Variants in ZNF804B observed in about 807,000 individuals in gnomAD.
ZNF804B encodes the protein zinc finger protein 804B.
ZNF804B carries 80 observed loss-of-function variants against 101.4 expected under a neutral mutation model. The observed-to-expected ratio is 0.79, with a 90% CI of 0.66 to 0.95. ZNF804B has a LOEUF of 0.95. Among genes scored for constraint, ZNF804B ranks in the 40% least tolerant of loss-of-function variants. The pLI, the probability that ZNF804B is intolerant of heterozygous loss-of-function variation, is 0.00. For synonymous variants in ZNF804B, 622 were observed against 558.8 expected, an observed-to-expected ratio of 1.11 and a Z score of -1.59; for missense variants, 1,673 against 1,561.9, an observed-to-expected ratio of 1.07 and a Z score of -1.20.
intron 1 of ZNF804B, among the ~76,000 whole-genome samples, chr7:88,791,772 C>T (rs1471355153): frequency 6.6e-6 from 1 of 152,028 alleles, no homozygotes; most frequent in African/African-American, 2.4e-5. Flanking sequence ...TTATTTTTCC[C>T]ATTACATATG....
At chr7:88,870,621 G>A (rs559900329) in intron 1 of ZNF804B, among the ~76,000 whole-genome samples, 10 of 152,054 alleles carry the variant, frequency 6.6e-5, no homozygotes, top group Non-Finnish European at 1.3e-4. Context: ...AGGTGTAGCT[G>A]CAAGGGAGTC....
At chr7:89,202,782 G>A (rs1049292584) in intron 1 of ZNF804B, among the ~76,000 whole-genome samples, 1 of 152,070 alleles carries the variant, frequency 6.6e-6, no homozygotes, top group African/African-American at 2.4e-5. Flanking sequence ...TTGCATAAAC[G>A]TTTGACAAGC....
chr7:88,960,481 G>A (rs550951332), intron 1 of ZNF804B, among the ~76,000 whole-genome samples: 1 of 151,360 alleles, frequency 6.6e-6, no homozygotes, highest in Admixed American at 6.6e-5. Context: ...TTGGGCATGA[G>A]AGGGAGGAAT....
chr7:89,035,985 A>G (rs1788920867), intron 1 of ZNF804B, among the ~76,000 whole-genome samples: 1 of 140,836 alleles, frequency 7.1e-6, no homozygotes, highest in African/African-American at 2.6e-5. Context: ...ATTGTAGTAT[A>G]GTATATATTA....
At chr7:88,941,044 A>G (rs1793048055) in intron 1 of ZNF804B, among the ~76,000 whole-genome samples, 1 of 151,952 alleles carries the variant, frequency 6.6e-6, no homozygotes, top group Non-Finnish European at 1.5e-5. Flanking sequence ...GTTATTAGGG[A>G]ATTGCAAATT....
At chr7:89,038,491 G>A (rs552136916) in intron 1 of ZNF804B, among the ~76,000 whole-genome samples, 1 of 152,134 alleles carries the variant, frequency 6.6e-6, no homozygotes, top group South Asian at 2.1e-4. Flanking sequence ...CAGGTCCTTT[G>A]CTCAGTTTTT....
intron 2 of ZNF804B, among the ~76,000 whole-genome samples, chr7:89,222,460 C>T (rs930557613): frequency 3.3e-5 from 5 of 151,926 alleles, no homozygotes; most frequent in African/African-American, 1.2e-4. Flanking sequence ...TTTATATGAT[C>T]ACTCTTTTCC....
At chr7:89,140,912 G>A (rs1457693973) in intron 1 of ZNF804B, among the ~76,000 whole-genome samples, 1 of 151,964 alleles carries the variant, frequency 6.6e-6, no homozygotes, top group Non-Finnish European at 1.5e-5. Context: ...CTTTCAATAT[G>A]CCTTCTTCAA....
chr7:88,970,285 A>G (rs1793512569), intron 1 of ZNF804B, among the ~76,000 whole-genome samples: 2 of 151,296 alleles, frequency 1.3e-5, no homozygotes, highest in Admixed American at 1.3e-4. Flanking sequence ...GGTTTGCTGC[A>G]CCCATCAACC....
intron 2 of ZNF804B, among the ~76,000 whole-genome samples, chr7:89,237,982 C>T (rs1789310473): frequency 6.6e-6 from 1 of 152,126 alleles, no homozygotes; most frequent in Non-Finnish European, 1.5e-5. Context: ...AATTGCCCCT[C>T]TCACAAATAC....
chr7:88,925,236 C>T (rs954997108), intron 1 of ZNF804B, among the ~76,000 whole-genome samples: 4 of 152,136 alleles, frequency 2.6e-5, no homozygotes, highest in African/African-American at 9.7e-5. Flanking sequence ...ATCTCTTACT[C>T]TTAACACTTA....
intron 1 of ZNF804B, among the ~76,000 whole-genome samples, chr7:88,956,442 T>A (rs930787825): frequency 1.8e-4 from 28 of 151,568 alleles, no homozygotes; most frequent in African/African-American, 6.5e-4. Context: ...TTGGCTTTGC[T>A]ATTAGCACCT....
At position 88,794,066 on chromosome 7, in the gene ZNF804B, G is replaced by A. The variant is rs922309383; in HGVS notation, c.108+33982G>A. On this transcript the variant is annotated intron_variant, in intron 1 of 3. Coordinates refer to ENST00000333190, the MANE Select transcript of ZNF804B (RefSeq NM_181646.5). ...CTATAAAGATTAATATATTACCTCT[G>A]TGTATATTGCAATGTTCTGTTTCTT... is the stretch of plus-strand genomic sequence containing the variant. 4 of 744,738 alleles carry A rather than the reference G, an allele frequency of 5.4e-6. No homozygotes were observed. The South Asian group carries it at 6.7e-5, about 12-fold the overall frequency. 46.1% of individuals were successfully genotyped at this position (744,738 alleles called of 1,614,324 possible).
At chr7:89,203,096 GT>G (rs1424357069) in intron 1 of ZNF804B, among the ~76,000 whole-genome samples, 4 of 152,028 alleles carry the variant, frequency 2.6e-5, no homozygotes, top group African/African-American at 9.7e-5. Context: ...GGCTTGTTGA[GT>G]TGACACCAGT....
At position 89,265,106 on chromosome 7, in the gene ZNF804B, G is replaced by A. The variant is rs186355961; in HGVS notation, c.249+46811G>A. ...GCCATTGATTTGTAGGGGCTGCCAA[G>A]AGTACAAAGTTGAGAAAGATAGTGT... On this transcript the variant is annotated intron_variant, in intron 2 of 3. Coordinates refer to ENST00000333190, the MANE Select transcript of ZNF804B (RefSeq NM_181646.5). Among the ~76,000 whole-genome samples, 93 of 152,288 alleles carry A rather than the reference G, an allele frequency of 6.1e-4. 1 individual carries two copies. The East Asian group carries it at 8.9e-3, about 15-fold the overall frequency.
In ZNF804B at chr7:89,335,619, C is replaced by T. The variant is rs750737987; in HGVS notation, c.2637C>T (p.His879=). 2.8e-5 allele frequency: 45 copies of T among 1,613,848 alleles called. No individual in the cohort carries two copies. The Admixed American group carries it at 7.2e-4, about 26-fold the overall frequency. ...ATCAAGAGTCTTTGGGCAGCCCTCA[C>T]ATTTGTGATCTGGGAAAAGTCAGGC... The part of the protein sequence containing the change: ...KRNQESLGSP[H]ICDLGKVRPM... The change falls in exon 4 of 4, where the codon CAC becomes CAT. Residue 879 remains histidine (H), a synonymous_variant. Transcript: ENST00000333190.
chr7:89,260,604 C>T (rs146776595), intron 2 of ZNF804B, among the ~76,000 whole-genome samples: 1 of 152,268 alleles, frequency 6.6e-6, no homozygotes, highest in East Asian at 1.9e-4. Context: ...TCTCAAATCA[C>T]ATTAGAATTT....
intron 1 of ZNF804B, among the ~76,000 whole-genome samples, chr7:89,007,681 G>C: frequency 6.8e-6 from 1 of 147,748 alleles, no homozygotes; most frequent in East Asian, 2.0e-4. Flanking sequence ...CTGTATAGAA[G>C]CAAATAATTA....
chr7:88,877,312 A>G (rs1332133806), intron 1 of ZNF804B, among the ~76,000 whole-genome samples: 3 of 151,760 alleles, frequency 2.0e-5, no homozygotes, highest in Non-Finnish European at 2.9e-5. Flanking sequence ...CTCTCTCAGC[A>G]TTAGAACCCT....
Sources: allele counts gnomAD v4.1 joint callset (sites outside exome capture counted in the v4.1 genomes callset), GRCh38; gene constraint gnomAD v4.1.1; transcripts MANE v1.5; gene names NCBI Gene and HGNC (gene_info 2026-07-23, HGNC 2026-07-21).